Variants in DIP2B observed in about 807,000 individuals in gnomAD.
DIP2B encodes the protein disco-interacting protein 2 homolog B.
A neutral mutation model predicts 198.0 loss-of-function variants in DIP2B; 76 were observed. The ratio of observed to expected loss-of-function variants is 0.38; its 90% CI spans 0.32 to 0.46. DIP2B has a LOEUF of 0.46. Among genes scored for constraint, DIP2B ranks in the 20% least tolerant of loss-of-function variants. DIP2B has a pLI of 0.99. For missense variants in DIP2B, 1,559 were observed against 1,978.4 expected, an observed-to-expected ratio of 0.79 and a Z score of 4.02; for synonymous variants, 701 against 739.1, an observed-to-expected ratio of 0.95 and a Z score of 0.84.
chr12:50,660,481 A>T (rs1056845870), intron 4 of DIP2B, among the ~76,000 whole-genome samples, 162 bp downstream of exon 4: 1 of 152,238 alleles, frequency 6.6e-6, no homozygotes, highest in Non-Finnish European at 1.5e-5. Context: ...GTCATCTCGT[A>T]AACAACACAC....
intron 14 of DIP2B, 127 bp downstream of exon 14, chr12:50,693,140 C>T (rs1939249732): frequency 1.1e-6 from 1 of 893,814 alleles, no homozygotes; most frequent in Non-Finnish European, 1.7e-6. Context: ...GTAATATTTT[C>T]CAGAGGCTAT....
Position 50,566,971 on chromosome 12 carries a change from C to CAA in DIP2B, c.101-58985_101-58984dup, listed in dbSNP as rs34854416. On this transcript the variant is annotated intron_variant, in intron 1 of 37. Coordinates refer to ENST00000301180, the MANE Select transcript of DIP2B (RefSeq NM_173602.3). ...TGGGTGACAGAGCGAGACTCCGTCT[C>CAA]AAAAAAAAAAAAAAAAAAAAAGAAA... Among the ~76,000 whole-genome samples, 189 of 78,068 alleles carry CAA rather than the reference C, an allele frequency of 2.4e-3. 2 individuals carry two copies. Among genetic ancestry groups the CAA allele is most frequent in the African/African-American group, 4.1e-3 (68 of 16,788 alleles). 51.2% of individuals were successfully genotyped at this position (78,068 alleles called of 152,430 possible). A position where few individuals can be genotyped will look rare whatever the true frequency, so the allele number is the denominator to read the frequency against.
chr12:50,646,391 G>T (rs1379026476), intron 3 of DIP2B, among the ~76,000 whole-genome samples: 1 of 148,850 alleles, frequency 6.7e-6, no homozygotes, highest in African/African-American at 2.5e-5. Flanking sequence ...AAAGTGCTGG[G>T]ATTACAGGCG....
chr12:50,742,419 A>AAAAAAAAAAAAC (rs1565888390), intron 37 of DIP2B, among the ~76,000 whole-genome samples: 3 of 77,338 alleles, frequency 3.9e-5, no homozygotes, highest in Admixed American at 1.2e-4. Flanking sequence ...AAAAAAAAAA[A>AAAAAAAAAAAAC]AAACCACCTC....
At chr12:50,683,355 A>T (rs1383800647) in intron 10 of DIP2B, 107 bp downstream of exon 10, 3 of 835,180 alleles carry the variant, frequency 3.6e-6, no homozygotes, top group Non-Finnish European at 5.7e-6. Flanking sequence ...CCATTTTTGG[A>T]AGTACTCAGC....
chr12:50,545,131 G>C (rs962207819), intron 1 of DIP2B, among the ~76,000 whole-genome samples: 2 of 152,086 alleles, frequency 1.3e-5, no homozygotes, highest in Non-Finnish European at 2.9e-5. Context: ...GTTTTGTGGT[G>C]CCCATATTTT....
At chr12:50,571,551 T>G (rs1317666545) in intron 1 of DIP2B, among the ~76,000 whole-genome samples, 5 of 65,204 alleles carry the variant, frequency 7.7e-5, no homozygotes, top group African/African-American at 1.4e-4. Flanking sequence ...CCTAGGCGTT[T>G]TTTTTTTTTT....
At chr12:50,633,199 A>G (rs1366291052) in intron 2 of DIP2B, 2 of 152,240 alleles carry the variant, frequency 1.3e-5, no homozygotes, top group African/African-American at 4.8e-5. Context: ...GACTTCAGAA[A>G]AAATTAACAG....
intron 16 of DIP2B, among the ~76,000 whole-genome samples, chr12:50,696,860 T>A (rs574869170): frequency 6.6e-6 from 1 of 152,336 alleles, no homozygotes; most frequent in Admixed American, 6.5e-5. Context: ...AGTGACCTTT[T>A]ATGGGCTGGA....
At chr12:50,509,916 T>G (rs1593563332) in intron 1 of DIP2B, among the ~76,000 whole-genome samples, 3 of 152,328 alleles carry the variant, frequency 2.0e-5, no homozygotes, top group African/African-American at 7.2e-5. Context: ...TGTAGATTTT[T>G]AAATAACCAA....
chr12:50,693,110 T>C, intron 14 of DIP2B, 97 bp downstream of exon 14: 1 of 1,205,700 alleles, frequency 8.3e-7, no homozygotes, highest in Admixed American at 2.5e-5. Flanking sequence ...TTGTTTGAAA[T>C]TTAAATCCCC....
chr12:50,727,514 G>A (rs1384849668), intron 28 of DIP2B, among the ~76,000 whole-genome samples, 189 bp from the exon 29 acceptor site: 1 of 152,184 alleles, frequency 6.6e-6, no homozygotes, highest in Non-Finnish European at 1.5e-5. Context: ...TGCCTGTGTT[G>A]TCTAGTGTTG....
chr12:50,658,623 T>C (rs1938593155), intron 3 of DIP2B, among the ~76,000 whole-genome samples: 2 of 152,214 alleles, frequency 1.3e-5, no homozygotes, highest in African/African-American at 4.8e-5. Context: ...ATTCTTTCTA[T>C]GAATAATTTC....
chr12:50,732,148 A>G (rs986861390), intron 31 of DIP2B, among the ~76,000 whole-genome samples: 1 of 152,250 alleles, frequency 6.6e-6, no homozygotes, highest in Non-Finnish European at 1.5e-5. Context: ...GAAAGAGGAA[A>G]GAACTAGAGA....
Position 50,664,830 on chromosome 12 carries a change from G to GTTTTTTTTTTTTTTTTTTT in DIP2B, c.427+4516_427+4517insTTTTTTTTTTTTTTTTTTT, listed in dbSNP as rs1205734576. On this transcript the variant is annotated intron_variant, in intron 4 of 37. Coordinates refer to ENST00000301180, the MANE Select transcript of DIP2B (RefSeq NM_173602.3). ...CAAGGAGAATTTCCCTCCTTTTTTG[G>GTTTTTTTTTTTTTTTTTTT]TTTTTGTTTTTTTTTTTTTTTTTTT... is the stretch of plus-strand genomic sequence containing the variant. Among the ~76,000 whole-genome samples, 4 of 99,644 alleles carry GTTTTTTTTTTTTTTTTTTT rather than the reference G, an allele frequency of 4.0e-5. 2 individuals carry two copies. Among genetic ancestry groups the GTTTTTTTTTTTTTTTTTTT allele is most frequent in the Middle Eastern group, 0.011 (2 of 184 alleles). 65.4% of individuals were successfully genotyped at this position (99,644 alleles called of 152,430 possible).
intron 4 of DIP2B, among the ~76,000 whole-genome samples, chr12:50,661,474 CTG>C (rs1938646506): frequency 1.3e-5 from 2 of 152,142 alleles, no homozygotes; most frequent in Non-Finnish European, 2.9e-5. Context: ...GGCTCATTTA[CTG>C]TGTGTGCTTT....
chr12:50,507,725 C>T (rs1046651023), intron 1 of DIP2B, among the ~76,000 whole-genome samples: 16 of 151,922 alleles, frequency 1.1e-4, no homozygotes, highest in Non-Finnish European at 2.1e-4. Context: ...TAGTAGAGAC[C>T]GGGTTTCACC....
intron 1 of DIP2B, among the ~76,000 whole-genome samples, chr12:50,549,235 G>A (rs895109982): frequency 2.6e-5 from 4 of 151,436 alleles, no homozygotes; most frequent in African/African-American, 9.7e-5. Flanking sequence ...TTGGGAGGCC[G>A]AGGTGGGTGG....
At chr12:50,627,076 T>C (rs1188411637) in intron 2 of DIP2B, among the ~76,000 whole-genome samples, 1 of 152,122 alleles carries the variant, frequency 6.6e-6, no homozygotes, top group Non-Finnish European at 1.5e-5. Context: ...GAGGTGGAAA[T>C]TGGGCCAGCG....
Sources: allele counts gnomAD v4.1 joint callset (sites outside exome capture counted in the v4.1 genomes callset), GRCh38; gene constraint gnomAD v4.1.1; transcripts MANE v1.5; gene names NCBI Gene and HGNC (gene_info 2026-07-23, HGNC 2026-07-21).